The following FRMD4B variants were observed in gnomAD, a reference collection of about 807,000 sequenced individuals.
FRMD4B encodes FERM domain containing 4B, also known as FERM domain-containing protein 4B.
Under a neutral mutation model 141.5 loss-of-function variants are expected in FRMD4B, and 74 were observed. The observed-to-expected ratio is 0.52, with a 90% CI of 0.43 to 0.63. The LOEUF is 0.63. Ranked by LOEUF, FRMD4B falls within the 30% of genes least tolerant of loss-of-function variation. The pLI, the probability that FRMD4B is intolerant of heterozygous loss-of-function variation, is 0.00. For missense variants in FRMD4B, 1,366 were observed against 1,253.4 expected (o/e 1.09, Z -1.36); for synonymous variants, 506 against 467.9 (o/e 1.08, Z -1.05).
intron 1 of FRMD4B, among the ~76,000 whole-genome samples, chr3:69,494,328 T>A (rs949438950): frequency 1.3e-5 from 2 of 152,186 alleles, no homozygotes; most frequent in African/African-American, 4.8e-5. Context: ...GAGATCCAGC[T>A]CTGCAAGGAA....
intron 1 of FRMD4B, among the ~76,000 whole-genome samples, chr3:69,351,995 C>A (rs977517623): frequency 6.6e-6 from 1 of 152,188 alleles, no homozygotes. Flanking sequence ...TACCTGTCTG[C>A]AGCAACCTCC....
chr3:69,219,061 A>C (rs1325746965), intron 9 of FRMD4B, among the ~76,000 whole-genome samples: 2 of 150,480 alleles, frequency 1.3e-5, no homozygotes, highest in African/African-American at 4.9e-5. Flanking sequence ...GCTATATGGG[A>C]GGCTGAGGCA....
intron 2 of FRMD4B, among the ~76,000 whole-genome samples, chr3:69,404,123 T>C (rs898270282): frequency 1.3e-5 from 2 of 152,184 alleles, no homozygotes; most frequent in Non-Finnish European, 2.9e-5. Flanking sequence ...CCTTGAGCTC[T>C]TGGCTTCAAG....
intron 5 of FRMD4B, among the ~76,000 whole-genome samples, chr3:69,255,355 CT>C (rs1336151656): frequency 1.3e-5 from 2 of 152,244 alleles, no homozygotes; most frequent in East Asian, 3.9e-4. Context: ...TCTTTCAACT[CT>C]TCTGTAAGTT....
At chr3:69,541,002 T>C (rs1239926988) in intron 1 of FRMD4B, among the ~76,000 whole-genome samples, 2 of 152,116 alleles carry the variant, frequency 1.3e-5, no homozygotes, top group South Asian at 2.1e-4. Context: ...TGAGGTTAAG[T>C]AAGGCGAAGC....
chr3:69,450,583 T>C (rs1488453448), intron 1 of FRMD4B, among the ~76,000 whole-genome samples: 2 of 152,130 alleles, frequency 1.3e-5, no homozygotes, highest in Non-Finnish European at 2.9e-5. Context: ...GGAAACCCCG[T>C]CTCTACTGAA....
rs140331686 is a variant in FRMD4B, at chr3:69,443,425, C to G, written c.-128-10664G>C. On this transcript the variant is annotated intron_variant, in intron 1 of 5. Transcript: ENST00000459638. ...CCTTTATAATATCTTTTCTAATGAA[C>G]TGGTAAGTGAAGTGTTTCTCTGAGT... is the stretch of plus-strand genomic sequence containing the variant. 3.5e-3 allele frequency among the ~76,000 whole-genome samples: 534 copies of G among 152,240 alleles called. 4 individuals carry two copies. Among genetic ancestry groups the G allele is most frequent in the African/African-American group, 0.012 (517 of 41,538 alleles).
At chr3:69,206,688 C>G (rs1205162664) in intron 11 of FRMD4B, among the ~76,000 whole-genome samples, 1 of 152,184 alleles carries the variant, frequency 6.6e-6, no homozygotes, top group Non-Finnish European at 1.5e-5. Context: ...TGTACCTAGT[C>G]TGGTTTTTAA....
intron 5 of FRMD4B, among the ~76,000 whole-genome samples, chr3:69,268,397 G>A (rs997438855): frequency 6.6e-6 from 1 of 151,980 alleles, no homozygotes; most frequent in Non-Finnish European, 1.5e-5. Flanking sequence ...TTGGAGAACA[G>A]ATGAATAACC....
chr3:69,502,461 G>A (rs1462231796), intron 1 of FRMD4B, among the ~76,000 whole-genome samples: 1 of 152,074 alleles, frequency 6.6e-6, no homozygotes, highest in African/African-American at 2.4e-5. Flanking sequence ...AATGGTGCTG[G>A]GAAAACTGGC....
At chr3:69,213,369 T>TTA (rs749941540) in intron 11 of FRMD4B, among the ~76,000 whole-genome samples, 5 of 124,618 alleles carry the variant, frequency 4.0e-5, no homozygotes, top group African/African-American at 1.5e-4. Flanking sequence ...TTACTCTGGG[T>TTA]AAAAAAAAAA....
At chr3:69,312,757 G>A (rs7615137) in intron 2 of FRMD4B, among the ~76,000 whole-genome samples, 22,934 of 152,014 alleles carry the variant, frequency 0.15, 2,310 homozygotes, top group African/African-American at 0.28. Flanking sequence ...AAATTACCCC[G>A]GCAAGGTGGT....
chr3:69,471,511 G>T, intron 1 of FRMD4B: 1 of 257,126 alleles, frequency 3.9e-6, no homozygotes, highest in Non-Finnish European at 7.8e-6. Context: ...GTCAGAAGAA[G>T]ATCCTATAAT....
intron 1 of FRMD4B, among the ~76,000 whole-genome samples, chr3:69,329,623 G>A (rs1449771690): frequency 6.7e-6 from 1 of 148,186 alleles, no homozygotes; most frequent in African/African-American, 2.5e-5. Flanking sequence ...TGCCTCCTGG[G>A]TTCAAGCAAT....
Position 69,395,701 on chromosome 3 carries a change from G to A in FRMD4B, c.-1+36933C>T, listed in dbSNP as rs531088037. 2.5e-4 allele frequency among the ~76,000 whole-genome samples: 38 copies of A among 152,248 alleles called. No homozygotes were observed. In the South Asian group the frequency reaches 7.7e-3, roughly 31 times the overall value. ...TAACTTTTTAGGATAGGAACATACT[G>A]TTCTCAACTACAAAATGAATTGTAT... On this transcript the variant is annotated intron_variant, in intron 2 of 5. Transcript: ENST00000459638.
Position 69,230,142 on chromosome 3 carries a change from A to AT in FRMD4B, c.582-5453dup, listed in dbSNP as rs112812849. On this transcript the variant is annotated intron_variant, in intron 7 of 22. Transcript: ENST00000398540. ...AGGCGCCCTCCGCCACGCCTGGCTA[A>AT]TTTTTTTGTATTTTTAGTAGAGATG... Among the ~76,000 whole-genome samples, 453 of 151,544 alleles carry AT rather than the reference A, an allele frequency of 3.0e-3. 3 individuals are homozygous for AT. The highest frequency in any genetic ancestry group is 0.01 in the African/African-American group (429 of 41,332).
intron 7 of FRMD4B, among the ~76,000 whole-genome samples, chr3:69,227,784 T>C (rs2093268688): frequency 2.0e-5 from 3 of 152,126 alleles, no homozygotes; most frequent in African/African-American, 7.2e-5. Context: ...GGTGGATATA[T>C]GACATTATGC....
At chr3:69,307,473 T>G (rs1701434421) in intron 3 of FRMD4B, among the ~76,000 whole-genome samples, 1 of 152,074 alleles carries the variant, frequency 6.6e-6, no homozygotes, top group Admixed American at 6.6e-5. Flanking sequence ...CCTGAGTAGC[T>G]GGGATTACAG....
intron 21 of FRMD4B, among the ~76,000 whole-genome samples, chr3:69,177,300 C>T (rs2092657598): frequency 6.6e-6 from 1 of 152,150 alleles, no homozygotes; most frequent in Non-Finnish European, 1.5e-5. Context: ...CATCACACCA[C>T]TGCACTCCAG....
Sources: allele counts gnomAD v4.1 joint callset (sites outside exome capture counted in the v4.1 genomes callset), GRCh38; gene constraint gnomAD v4.1.1; transcripts MANE v1.5; gene names NCBI Gene and HGNC (gene_info 2026-07-23, HGNC 2026-07-21).